Variants in PER3 observed in about 807,000 individuals in gnomAD.
PER3 encodes the protein period circadian protein homolog 3.
A neutral mutation model predicts 127.2 loss-of-function variants in PER3; 107 were observed. That is an observed-to-expected ratio of 0.84 (90% CI 0.72 to 0.99). The LOEUF (loss-of-function observed/expected upper bound fraction) is 0.99, where lower values mean the gene tolerates loss of function less well. PER3 is among the 50% of genes least tolerant of loss of function. The pLI is 0.00. For synonymous variants in PER3, 618 were observed against 585.8 expected (o/e 1.05, Z -0.79); for missense variants, 1,560 against 1,525.8 (o/e 1.02, Z -0.37).
In PER3 at chr1:7,835,927, C is replaced by T. The variant is rs1330952218; in HGVS notation, c.3380C>T (p.Thr1127Ile). 6 of 1,600,632 alleles carry T rather than the reference C, an allele frequency of 3.7e-6. No homozygotes were observed. The African/African-American group carries it at 8.0e-5, about 21-fold the overall frequency. The change falls in exon 20 of 22, where the codon ACA becomes ATA. Residue 1127 changes from threonine (T) to isoleucine (I), a missense_variant. Physicochemically the swap from Thr to Ile is moderately conservative, Grantham distance 89. Coordinates refer to ENST00000377532, the MANE Select transcript of PER3 (RefSeq NM_001377275.1). The part of the protein sequence containing the change: ...IRQTPERILM[T>I]YQVPERVKEV... ...CAGACACCTGAGCGCATTCTCATGA[C>T]ATACCAGGTACCTGAGAGGTAAGAA...
At chr1:7,816,975 C>T (rs2097254461) in intron 13 of PER3, among the ~76,000 whole-genome samples, 1 of 152,140 alleles carries the variant, frequency 6.6e-6, no homozygotes. Context: ...TGCTACTTAA[C>T]GGTGAAGAGA....
intron 5 of PER3, among the ~76,000 whole-genome samples, chr1:7,790,342 G>A (rs1423163341): frequency 1.3e-5 from 2 of 152,178 alleles, no homozygotes; most frequent in Non-Finnish European, 2.9e-5. Context: ...ATGGCAGGAA[G>A]GAGAAGAATG....
At chr1:7,840,284 A>T (rs2097379136) in intron 21 of PER3, among the ~76,000 whole-genome samples, 1 of 148,838 alleles carries the variant, frequency 6.7e-6, no homozygotes, top group Admixed American at 6.7e-5. Flanking sequence ...TGTTTTCTTG[A>T]TTTTGCTCCA....
chr1:7,809,094 A>G lies in PER3; in HGVS notation c.1242+96A>G, dbSNP rs1033357086. 1.3e-5 allele frequency: 8 copies of G among 639,054 alleles called. No individual in the cohort carries two copies. The African/African-American group carries it at 1.5e-4, about 12-fold the overall frequency. The allele number at this position is 639,054 out of a possible 1,614,324, so 39.6% of individuals were successfully genotyped here. ...TCACAAAAATAAACTGTAAAGGGAGACAAATCTTTGCCCTCTACATTCCAG... is the reference window on the plus strand; with the variant it reads ...TCACAAAAATAAACTGTAAAGGGAGGCAAATCTTTGCCCTCTACATTCCAG... On this transcript the variant is annotated intron_variant, in intron 11 of 21. Transcript: ENST00000377532.
At position 7,827,763 on chromosome 1, in the gene PER3, C is replaced by T. The variant is rs1377718323; in HGVS notation, c.2834C>T (p.Pro945Leu). 1.2e-6 allele frequency: 2 copies of T among 1,613,956 alleles called. No homozygotes were observed. The highest frequency in any genetic ancestry group is 2.2e-5 in the East Asian group (1 of 44,876). The change falls in exon 18 of 22, where the codon CCC (proline) becomes CTC (leucine). Residue 945 changes from proline (P) to leucine (L), a missense_variant. Physicochemically the swap from Pro to Leu is moderately conservative, Grantham distance 98. Coordinates refer to ENST00000377532, the MANE Select transcript of PER3 (RefSeq NM_001377275.1). ...LNLLQEEMPR[P>L]SESPDQMRRN... The stretch of plus-strand genomic sequence containing the variant: ...TTACTTCAGGAAGAGATGCCCAGAC[C>T]CTCTGAATCTCCAGATCAGATGAGA...
At chr1:7,785,375 G>A in intron 2 of PER3, 66 bp from the exon 3 acceptor site, 4 of 1,316,182 alleles carry the variant, frequency 3.0e-6, no homozygotes, top group Non-Finnish European at 4.3e-6. Flanking sequence ...TGCAGTTTGT[G>A]TTCCCTAAGC....
intron 13 of PER3, among the ~76,000 whole-genome samples, chr1:7,813,086 T>C (rs1459223795): frequency 6.6e-6 from 1 of 152,078 alleles, no homozygotes; most frequent in Non-Finnish European, 1.5e-5. Context: ...TAAAGAGAGA[T>C]TTTAAAAGTT....
intron 13 of PER3, among the ~76,000 whole-genome samples, chr1:7,814,283 A>G (rs1251234707): frequency 6.6e-6 from 1 of 152,218 alleles, no homozygotes; most frequent in Admixed American, 6.5e-5. Context: ...GAACAAAAAC[A>G]AAACAAAACA....
chr1:7,805,638 AC>A (rs1166941259), intron 10 of PER3, among the ~76,000 whole-genome samples: 3 of 151,408 alleles, frequency 2.0e-5, no homozygotes, highest in Non-Finnish European at 4.4e-5. Context: ...CCCACCCCAT[AC>A]CCCCCAAGTA....
rs1382025391 is a variant in PER3 at position 7,810,033 on chromosome 1, T to C, written c.1371+12T>C. The C allele has an allele frequency of 6.2e-7, 1 of 1,610,304 alleles. No individual in the cohort carries two copies. The highest frequency in any genetic ancestry group is 1.1e-5 in the South Asian group (1 of 90,812). On this transcript the variant is annotated intron_variant, in intron 12 of 21. Coordinates refer to ENST00000377532, the MANE Select transcript of PER3 (RefSeq NM_001377275.1). ...CGAAGGCGGAGCAGGTGCATGGGCT[T>C]ATGTCACATTCTTATACAGGCATCG... is the stretch of plus-strand genomic sequence containing the variant.
chr1:7,816,033 T>C (rs1445528529), intron 13 of PER3, among the ~76,000 whole-genome samples: 1 of 105,306 alleles, frequency 9.5e-6, no homozygotes, highest in Admixed American at 9.9e-5. Context: ...TTGAACAAAA[T>C]GAAAAGAGAA....
intron 18 of PER3, among the ~76,000 whole-genome samples, chr1:7,828,176 G>T (rs920282920): frequency 1.3e-5 from 2 of 152,208 alleles, no homozygotes; most frequent in Non-Finnish European, 2.9e-5. Flanking sequence ...TACAACCGGG[G>T]TTATGGTCAG....
chr1:7,809,088 A>C, intron 11 of PER3, 90 bp downstream of exon 11: 1 of 662,802 alleles, frequency 1.5e-6, no homozygotes, highest in South Asian at 2.0e-5. Flanking sequence ...TAAACTGTAA[A>C]GGGAGACAAA....
Position 7,827,681 on chromosome 1 carries a change from C to T in PER3, c.2752C>T (p.Gln918Ter), listed in dbSNP as rs2097309180. The change falls in exon 18 of 22, where the codon CAA becomes TAA. Residue 918 changes from glutamine to a stop codon, truncating the protein, a stop_gained. Transcript: ENST00000377532. LOFTEE classifies it high-confidence loss of function. ...QRREEEKWEA[Q>*]SEGHPFITSR... ...GAGAGAGGAGGAAAAGTGGGAGGCACAAAGCGAGGGGCACCCGTTCATTAC... is the reference window on the plus strand; with the variant it reads ...GAGAGAGGAGGAAAAGTGGGAGGCATAAAGCGAGGGGCACCCGTTCATTAC... The T allele has an allele frequency of 6.2e-7, 1 of 1,614,152 alleles. No individual in the cohort carries two copies.
chr1:7,809,748 C>G (rs992481042), intron 11 of PER3, 145 bp from the exon 12 acceptor site: 1 of 684,850 alleles, frequency 1.5e-6, no homozygotes. Context: ...GTGTCAGCAT[C>G]AGCATTAAAA....
rs200696656 is a variant in PER3 at position 7,786,810 on chromosome 1, G to A, written c.364G>A (p.Ala122Thr). ...CAGTCTTGAGGAGCTGGCCACTATCGCTTCAGAACACACTTCCAAAAACAC... is the reference window on the plus strand; with the variant it reads ...CAGTCTTGAGGAGCTGGCCACTATCACTTCAGAACACACTTCCAAAAACAC... ...MYSLEELATIASEHTSKNTDT... is the reference protein window; with the variant it reads ...MYSLEELATITSEHTSKNTDT... The change falls in exon 4 of 22, where the codon GCT becomes ACT. Residue 122 changes from alanine (A) to threonine (T), a missense_variant. Ala to Thr is a moderately conservative substitution (Grantham distance 58). Around this residue, in one of 3 missense-constraint regions of PER3, gnomAD observed 1,332 missense variants for 1,223.6 expected, o/e 1.09. Transcript: ENST00000377532. 2.9e-5 allele frequency: 47 copies of A among 1,603,954 alleles called. No individual in the cohort carries two copies. Among genetic ancestry groups the A allele is most frequent in the South Asian group, 1.4e-4 (13 of 90,872 alleles).
intron 19 of PER3, among the ~76,000 whole-genome samples, chr1:7,833,075 C>T (rs2097340724): frequency 6.6e-6 from 1 of 151,936 alleles, no homozygotes; most frequent in Non-Finnish European, 1.5e-5. Context: ...GGCTTAATTT[C>T]CTAATATTTG....
intron 21 of PER3, among the ~76,000 whole-genome samples, chr1:7,842,123 C>A (rs1006172272): frequency 6.6e-6 from 1 of 152,118 alleles, no homozygotes; most frequent in Non-Finnish European, 1.5e-5. Context: ...TCTTACAAGA[C>A]CACCATTATA....
intron 13 of PER3, among the ~76,000 whole-genome samples, chr1:7,813,303 A>T (rs751574982): frequency 6.6e-5 from 10 of 152,234 alleles, no homozygotes; most frequent in Non-Finnish European, 1.2e-4. Context: ...GTTTCTGCTC[A>T]GGGATGTAGA....
Sources: gnomAD v4.1 joint callset for allele counts (sites outside exome capture counted in the v4.1 genomes callset) on GRCh38, gnomAD v4.1.1 for gene constraint, gnomAD v4.1.1 regional missense constraint, MANE v1.5 for transcripts, NCBI Gene and HGNC (gene_info 2026-07-23, HGNC 2026-07-21) for gene names.